DPP6: variants seen among roughly 807,000 people sequenced by gnomAD.
DPP6 encodes A-type potassium channel modulatory protein DPP6.
Under a neutral mutation model 122.6 loss-of-function variants are expected in DPP6, and 69 were observed. The ratio of observed to expected loss-of-function variants is 0.56; its 90% confidence interval spans 0.46 to 0.69. DPP6 has a LOEUF of 0.69. Ranked by LOEUF, DPP6 falls within the 30% of genes least tolerant of loss-of-function variation. The pLI is 0.00. For synonymous variants in DPP6, 418 were observed against 433.1 expected, an observed-to-expected ratio of 0.97 and a Z score of 0.43; for missense variants, 928 against 1,116.9, an observed-to-expected ratio of 0.83 and a Z score of 2.41.
chr7:154,672,788 T>C (rs935846831), intron 7 of DPP6, among the ~76,000 whole-genome samples: 2 of 152,238 alleles, frequency 1.3e-5, no homozygotes, highest in Non-Finnish European at 2.9e-5. Context: ...GGGGCCGCCT[T>C]CTTCTGCAGA....
upstream of DPP6, among the ~76,000 whole-genome samples, chr7:153,883,139 C>T (rs1021365347): frequency 6.6e-6 from 1 of 151,970 alleles, no homozygotes; most frequent in Non-Finnish European, 1.5e-5. Context: ...CCTTCGCATC[C>T]CTGTTTGTGA....
chr7:154,655,962 C>T (rs1837212567), intron 6 of DPP6, among the ~76,000 whole-genome samples: 1 of 152,126 alleles, frequency 6.6e-6, no homozygotes, highest in South Asian at 2.1e-4. Context: ...CTTCCTAGGG[C>T]TGCGGTGAGA....
intron 1 of DPP6, among the ~76,000 whole-genome samples, chr7:154,018,992 A>C (rs961187374): frequency 1.1e-4 from 16 of 152,220 alleles, no homozygotes; most frequent in Non-Finnish European, 2.1e-4. Context: ...GAAAAATGCA[A>C]AACAAATACA....
At chr7:154,639,412 G>A (rs1835923894) in intron 6 of DPP6, among the ~76,000 whole-genome samples, 1 of 152,166 alleles carries the variant, frequency 6.6e-6, no homozygotes, top group Non-Finnish European at 1.5e-5. Flanking sequence ...ATCTTCAGAG[G>A]TCATGGCAGG....
At chr7:153,956,957 A>T (rs1189711902) in intron 1 of DPP6, among the ~76,000 whole-genome samples, 1 of 152,230 alleles carries the variant, frequency 6.6e-6, no homozygotes, top group Non-Finnish European at 1.5e-5. Flanking sequence ...TGTTAAAAAA[A>T]ATTCCGAAAC....
intron 16 of DPP6, among the ~76,000 whole-genome samples, chr7:154,836,183 G>A (rs1027648354): frequency 3.3e-5 from 5 of 152,214 alleles, no homozygotes; most frequent in Admixed American, 2.0e-4. Flanking sequence ...CCTGCCGCCC[G>A]GCTTTCAGAA....
At chr7:154,596,529 G>A (rs941038031) in intron 5 of DPP6, among the ~76,000 whole-genome samples, 2 of 152,202 alleles carry the variant, frequency 1.3e-5, no homozygotes, top group African/African-American at 2.4e-5. Flanking sequence ...ACAATGGATA[G>A]CAAGAGAAAG....
intron 1 of DPP6, among the ~76,000 whole-genome samples, chr7:154,280,983 T>TTTTATTTATTTATTTA (rs146635527): frequency 6.3e-4 from 90 of 143,052 alleles, no homozygotes; most frequent in Middle Eastern, 3.5e-3. Context: ...TTATTTCTTA[T>TTTTATTTATTTATTTA]TTTATTTATT....
At chr7:154,270,501 A>G (rs1217677452) in intron 1 of DPP6, among the ~76,000 whole-genome samples, 5 of 152,144 alleles carry the variant, frequency 3.3e-5, no homozygotes, top group Middle Eastern at 3.2e-3. Flanking sequence ...CCAGCTCACC[A>G]AGTACCAGAA....
chr7:154,562,123 C>T (rs912371977), intron 4 of DPP6, among the ~76,000 whole-genome samples: 6 of 151,924 alleles, frequency 3.9e-5, no homozygotes, highest in Non-Finnish European at 5.9e-5. Flanking sequence ...AAATAAAAAC[C>T]AAACAAAGAA....
At chr7:154,140,792 C>A (rs1049073468) in intron 1 of DPP6, among the ~76,000 whole-genome samples, 1 of 152,132 alleles carries the variant, frequency 6.6e-6, no homozygotes, top group South Asian at 2.1e-4. Context: ...CAATGCTTGG[C>A]GAATTGCCTC....
intron 11 of DPP6, 40 bp from the exon 12 acceptor site, chr7:154,795,805 A>C: frequency 6.9e-7 from 1 of 1,439,352 alleles, no homozygotes; most frequent in Non-Finnish European, 9.3e-7. Context: ...AAGAAAAGAA[A>C]AGAAAAACCC....
intron 1 of DPP6, among the ~76,000 whole-genome samples, chr7:154,023,362 T>A (rs867019631): frequency 4.5e-5 from 3 of 66,952 alleles, no homozygotes; most frequent in African/African-American, 6.9e-5. Context: ...ACACACACAC[T>A]TCTTAAGTCT....
intron 15 of DPP6, 120 bp from the exon 16 acceptor site, chr7:154,806,874 G>T: frequency 1.5e-6 from 2 of 1,337,670 alleles, no homozygotes; most frequent in South Asian, 1.5e-5. Flanking sequence ...GAGGCCCGGG[G>T]GGTCTGTAGC....
At chr7:153,892,053 G>T (rs1799225851) in intron 1 of DPP6, among the ~76,000 whole-genome samples, 1 of 152,218 alleles carries the variant, frequency 6.6e-6, no homozygotes, top group South Asian at 2.1e-4. Context: ...TTTGGTCACT[G>T]GTTGATGTAT....
At chr7:154,756,679 C>T (rs555988929) in intron 8 of DPP6, among the ~76,000 whole-genome samples, 1 of 152,108 alleles carries the variant, frequency 6.6e-6, no homozygotes, top group Non-Finnish European at 1.5e-5. Context: ...AATCCTCAAT[C>T]TCCTCTCCCC....
chr7:153,929,865 T>G (rs926785126), intron 1 of DPP6, among the ~76,000 whole-genome samples: 2 of 152,238 alleles, frequency 1.3e-5, no homozygotes, highest in Non-Finnish European at 2.9e-5. Flanking sequence ...ATTATGTTCA[T>G]TTTCCATAAT....
rs570717741 is a variant in DPP6, at chr7:154,011,653, T to C, written c.51+123919T>C. Among the ~76,000 whole-genome samples, 616 of 152,306 alleles carry C rather than the reference T, an allele frequency of 4.0e-3. 1 individual carries two copies. The highest frequency in any genetic ancestry group is 5.0e-3 in the Non-Finnish European group (343 of 68,022). ...ATTCCATCTCACTTAAAAGAAATAT[T>C]TGTTTGGAAGCATTGGTTGGTGCTG... On this transcript the variant is annotated intron_variant, in intron 1 of 25. Transcript: ENST00000404039.
At chr7:153,909,880 G>A (rs185382011) in intron 1 of DPP6, among the ~76,000 whole-genome samples, 102 of 152,248 alleles carry the variant, frequency 6.7e-4, no homozygotes, top group African/African-American at 2.3e-3. Flanking sequence ...CACAGGAGAG[G>A]ATATTGGAGC....
Sources: gnomAD v4.1 joint callset for allele counts (sites outside exome capture counted in the v4.1 genomes callset) on GRCh38, gnomAD v4.1.1 for gene constraint, MANE v1.5 for transcripts, NCBI Gene and HGNC (gene_info 2026-07-23, HGNC 2026-07-21) for gene names.